CDK19: variants seen among roughly 807,000 people sequenced by gnomAD.
The protein encoded by CDK19 is cyclin-dependent kinase 19.
CDK19 carries 20 observed loss-of-function variants against 68.3 expected under a neutral mutation model. The ratio of observed to expected loss-of-function variants is 0.29; its 90% CI spans 0.21 to 0.43. CDK19 has a LOEUF of 0.43. Among genes scored for constraint, CDK19 ranks in the 20% least tolerant of loss-of-function variants. The probability of loss-of-function intolerance (pLI) is 1.00; values close to 1 mark genes in which losing one functional copy is unlikely to be tolerated. For missense variants in CDK19, 339 were observed against 623.5 expected, an observed-to-expected ratio of 0.54 and a Z score of 4.86; for synonymous variants, 221 against 222.8, an observed-to-expected ratio of 0.99 and a Z score of 0.07.
At chr6:110,645,632 G>A (rs1780507687) in intron 4 of CDK19, 2 of 304,928 alleles carry the variant, frequency 6.6e-6, no homozygotes, top group Non-Finnish European at 1.3e-5. Context: ...GGACTACAGG[G>A]ACTCACGAGC....
chr6:110,617,714 G>A (rs1032211029), intron 12 of CDK19, among the ~76,000 whole-genome samples: 6 of 126,968 alleles, frequency 4.7e-5, no homozygotes, highest in African/African-American at 1.8e-4. Context: ...CAAATTAGCC[G>A]GGAGTGGTGA....
rs1205669530 is a variant in CDK19, at chr6:110,610,973, TAA to T, written c.*3560_*3561del. The T allele has an allele frequency of 6.6e-6, 1 of 152,204 alleles. No individual in the cohort carries two copies. The highest frequency in any genetic ancestry group is 2.4e-5 in the African/African-American group (1 of 41,450). The allele number at this position is 152,204 out of a possible 1,614,324, so 9.4% of individuals were successfully genotyped here. A position where few individuals can be genotyped will look rare whatever the true frequency, so the allele number is the denominator to read the frequency against. On this transcript the variant is annotated 3_prime_UTR_variant, in exon 13 of 13. Coordinates refer to ENST00000368911, the MANE Select transcript of CDK19 (RefSeq NM_015076.5). ...GGTAAATGTCATCCCTTTCCATTCT[TAA>T]GAGTCCATTATGTTCGTAAGAGCAA...
rs1481343583 is a variant in CDK19 at position 110,622,870 on chromosome 6, A to C, written c.976T>G (p.Ser326Ala). Residue 326 changes from serine (S) to alanine (A), a missense_variant, in exon 10 of 13, where the codon TCG becomes GCG. Physicochemically the swap from Ser to Ala is moderately conservative, Grantham distance 99 (BLOSUM62 1). This residue lies in a region of CDK19 where 155 missense variants were observed against 222.7 expected (regional missense o/e 0.70). Coordinates refer to ENST00000368911, the MANE Select transcript of CDK19 (RefSeq NM_015076.5). ...TAGGGATCCTGCAGAGCTTGCTCCG[A>C]GGTAATTCTCTTGGTTGGATCCATG... ...LTMDPTKRITSEQALQDPYFQ... is the reference protein window; with the variant it reads ...LTMDPTKRITAEQALQDPYFQ... The C allele has an allele frequency of 6.2e-7, 1 of 1,613,858 alleles. No homozygotes were observed. Among genetic ancestry groups the C allele is most frequent in the Non-Finnish European group, 8.5e-7 (1 of 1,179,704 alleles).
chr6:110,625,554 T>C (rs879821063), intron 8 of CDK19, among the ~76,000 whole-genome samples: 4 of 152,116 alleles, frequency 2.6e-5, no homozygotes, highest in Admixed American at 6.6e-5. Flanking sequence ...GTTTGAAGAA[T>C]TTATAGAACA....
intron 2 of CDK19, among the ~76,000 whole-genome samples, chr6:110,720,986 C>T (rs1775835023): frequency 6.6e-6 from 1 of 152,050 alleles, no homozygotes; most frequent in South Asian, 2.1e-4. Flanking sequence ...ACCTGTAATC[C>T]CAGCACTTTG....
intron 2 of CDK19, among the ~76,000 whole-genome samples, chr6:110,739,680 GAGTGT>G (rs1252328328): frequency 6.6e-6 from 1 of 151,508 alleles, no homozygotes; most frequent in Non-Finnish European, 1.5e-5. Context: ...ACCCAGGCTG[GAGTGT>G]AGTGGTGCAA....
chr6:110,649,087 A>G (rs1780808213), intron 4 of CDK19, among the ~76,000 whole-genome samples: 1 of 151,486 alleles, frequency 6.6e-6, no homozygotes, highest in Admixed American at 6.6e-5. Context: ...GATTCGATAC[A>G]GTAAAAAAAA....
intron 1 of CDK19, among the ~76,000 whole-genome samples, chr6:110,802,756 G>T (rs1190826515): frequency 6.6e-6 from 1 of 152,006 alleles, no homozygotes; most frequent in Non-Finnish European, 1.5e-5. Flanking sequence ...TAATGAAAAA[G>T]AAATTTAAGT....
At chr6:110,695,733 T>C (rs1228150568) in intron 2 of CDK19, among the ~76,000 whole-genome samples, 2 of 151,972 alleles carry the variant, frequency 1.3e-5, no homozygotes, top group African/African-American at 4.8e-5. Flanking sequence ...GCGCACAAAG[T>C]AGAAAACCTA....
chr6:110,713,357 G>A (rs1043031763), intron 2 of CDK19, among the ~76,000 whole-genome samples: 7 of 151,222 alleles, frequency 4.6e-5, no homozygotes, highest in African/African-American at 1.5e-4. Context: ...GCGTGGACCC[G>A]GGAGGCGGAG....
chr6:110,781,241 G>A (rs1451668157), intron 1 of CDK19, among the ~76,000 whole-genome samples: 1 of 152,118 alleles, frequency 6.6e-6, no homozygotes, highest in African/African-American at 2.4e-5. Flanking sequence ...CGGCACAAGG[G>A]GAAGGGGAGC....
chr6:110,740,831 T>C (rs1482505142), intron 2 of CDK19, among the ~76,000 whole-genome samples: 1 of 152,188 alleles, frequency 6.6e-6, no homozygotes, highest in Non-Finnish European at 1.5e-5. Flanking sequence ...CTTTATGGTG[T>C]TGCCTCCATT....
chr6:110,730,142 TTA>T (rs1776639155), intron 2 of CDK19, among the ~76,000 whole-genome samples: 1 of 152,162 alleles, frequency 6.6e-6, no homozygotes, highest in African/African-American at 2.4e-5. Flanking sequence ...TTGATTGGAT[TTA>T]TTATACTCCA....
At chr6:110,702,036 G>A (rs1007513216) in intron 2 of CDK19, among the ~76,000 whole-genome samples, 55 of 152,276 alleles carry the variant, frequency 3.6e-4, no homozygotes, top group African/African-American at 1.3e-3. Context: ...AGCTACTCGG[G>A]AGGCTGAGGC....
chr6:110,665,876 C>T (rs1413065125), intron 4 of CDK19, among the ~76,000 whole-genome samples: 2 of 151,976 alleles, frequency 1.3e-5, no homozygotes, highest in Admixed American at 6.5e-5. Flanking sequence ...TTCCAAACAG[C>T]GAGGACCACA....
intron 2 of CDK19, among the ~76,000 whole-genome samples, chr6:110,702,253 C>T (rs1774072420): frequency 6.6e-6 from 1 of 152,012 alleles, no homozygotes; most frequent in Non-Finnish European, 1.5e-5. Flanking sequence ...TGAGACCAGA[C>T]TGGACAACAT....
At chr6:110,710,248 C>T (rs1774843940) in intron 2 of CDK19, among the ~76,000 whole-genome samples, 1 of 152,180 alleles carries the variant, frequency 6.6e-6, no homozygotes, top group Non-Finnish European at 1.5e-5. Flanking sequence ...CATGCTTTGT[C>T]GAAGTGTCAA....
intron 8 of CDK19, among the ~76,000 whole-genome samples, chr6:110,625,815 G>A (rs1779054612): frequency 6.6e-6 from 1 of 152,154 alleles, no homozygotes; most frequent in Non-Finnish European, 1.5e-5. Flanking sequence ...AAAGGGGTTA[G>A]AAATGATCAA....
intron 2 of CDK19, among the ~76,000 whole-genome samples, chr6:110,682,924 C>T (rs1772139729): frequency 6.6e-6 from 1 of 152,036 alleles, no homozygotes; most frequent in Admixed American, 6.6e-5. Flanking sequence ...ACCTCTAATC[C>T]TGGCACTCTG....
Sources: allele counts gnomAD v4.1 joint callset (sites outside exome capture counted in the v4.1 genomes callset), GRCh38; gene constraint gnomAD v4.1.1; regional missense constraint gnomAD v4.1.1; transcripts MANE v1.5; gene names NCBI Gene and HGNC (gene_info 2026-07-23, HGNC 2026-07-21).